The following KNDC1 variants were observed in gnomAD, a reference collection of about 807,000 sequenced individuals.
KNDC1 encodes the protein kinase non-catalytic C-lobe domain-containing protein 1.
KNDC1 carries 106 observed loss-of-function variants against 172.8 expected under a neutral mutation model. That is an observed-to-expected ratio of 0.61 (90% CI 0.52 to 0.72). The LOEUF is 0.72. Ranked by LOEUF, KNDC1 falls within the 30% of genes least tolerant of loss-of-function variation. KNDC1 has a pLI of 0.00. For synonymous variants in KNDC1, 1,083 were observed against 1,062.2 expected (o/e 1.02, Z -0.38); for missense variants, 2,325 against 2,394.5 (o/e 0.97, Z 0.61).
intron 14 of KNDC1, 68 bp downstream of exon 14, chr10:133,199,334 C>A: frequency 6.5e-7 from 1 of 1,549,894 alleles, no homozygotes; most frequent in Non-Finnish European, 8.7e-7. Context: ...GGACTCGGGG[C>A]CGCCCCACGC....
At chr10:133,203,377 AC>A (rs1191668601) in intron 17 of KNDC1, among the ~76,000 whole-genome samples, 1 of 152,254 alleles carries the variant, frequency 6.6e-6, no homozygotes, top group African/African-American at 2.4e-5. Flanking sequence ...GCCCATGGCC[AC>A]AGCCTCACGT....
chr10:133,175,982 G>T (rs1328289586), intron 3 of KNDC1, among the ~76,000 whole-genome samples: 1 of 144,838 alleles, frequency 6.9e-6, no homozygotes, highest in East Asian at 2.2e-4. Flanking sequence ...GGATGGGTGG[G>T]TGAATGCATG....
intron 26 of KNDC1, among the ~76,000 whole-genome samples, chr10:133,217,976 C>CGAGGTCAGGAG: frequency 6.6e-6 from 1 of 151,098 alleles, no homozygotes; most frequent in African/African-American, 2.5e-5. Flanking sequence ...AGGAGAATCA[C>CGAGGTCAGGAG]TTGAACCCGG....
At chr10:133,181,552 G>A (rs575010288) in intron 3 of KNDC1, among the ~76,000 whole-genome samples, 46 of 152,348 alleles carry the variant, frequency 3.0e-4, no homozygotes, top group African/African-American at 1.1e-3. Flanking sequence ...TGGCTGGTGT[G>A]CCAGGTGGGC....
intron 26 of KNDC1, among the ~76,000 whole-genome samples, chr10:133,216,277 T>A (rs898035481): frequency 6.6e-6 from 1 of 150,884 alleles, no homozygotes; most frequent in African/African-American, 2.4e-5. Context: ...AAATGGGGGG[T>A]CGGTGGTTCC....
In KNDC1 at chr10:133,211,666, T is replaced by C; in HGVS notation, c.4057-13T>C. The stretch of plus-strand genomic sequence containing the variant: ...GGTGGCAGTGACCCCCCCACCACTG[T>C]GCTTCTGCCTAGATCCTACCCCTGG... On this transcript the variant is annotated splice_polypyrimidine_tract_variant and intron_variant, in intron 22 of 29. Coordinates refer to ENST00000304613, the MANE Select transcript of KNDC1 (RefSeq NM_152643.8). The C allele has an allele frequency of 6.3e-7, 1 of 1,590,390 alleles. No homozygotes were observed. Among genetic ancestry groups the C allele is most frequent in the Non-Finnish European group, 8.6e-7 (1 of 1,166,056 alleles).
rs144430898 is a variant in KNDC1 at position 133,185,825 on chromosome 10, G to C, written c.626-149G>C. On this transcript the variant is annotated intron_variant, in intron 5 of 29. Coordinates refer to ENST00000304613, the MANE Select transcript of KNDC1 (RefSeq NM_152643.8). ...AGAGCCTGGGTTGGGGTCTGTGATC[G>C]TGGGAGGGGAGGAGAGGGGAGGGGA... is the stretch of plus-strand genomic sequence containing the variant. The C allele has an allele frequency of 1.5e-3, 757 of 502,384 alleles. 10 individuals are homozygous for C. The highest frequency in any genetic ancestry group is 0.014 in the African/African-American group (578 of 40,478). 31.1% of individuals were successfully genotyped at this position (502,384 alleles called of 1,614,324 possible).
At chr10:133,222,240 G>T (rs919543574) in intron 29 of KNDC1, among the ~76,000 whole-genome samples, 2 of 145,920 alleles carry the variant, frequency 1.4e-5, no homozygotes, top group Non-Finnish European at 3.0e-5. Flanking sequence ...CCGAGATCGC[G>T]CCACCGCACT....
At chr10:133,219,217 G>A (rs1214649289) in intron 28 of KNDC1, 127 bp downstream of exon 28, 14 of 1,192,616 alleles carry the variant, frequency 1.2e-5, no homozygotes, top group Non-Finnish European at 1.5e-5. Flanking sequence ...CCCAGCCAGG[G>A]TGGCCTCACG....
intron 6 of KNDC1, among the ~76,000 whole-genome samples, chr10:133,187,385 C>T (rs765698240): frequency 6.6e-6 from 1 of 152,252 alleles, no homozygotes; most frequent in East Asian, 1.9e-4. Context: ...GCATTTTGCC[C>T]TCCTTGGCTC....
Position 133,163,486 on chromosome 10 carries a change from G to A in KNDC1, c.102+2917G>A, listed in dbSNP as rs531728738. ...ATGAGCTCAGAGCAGAAGGCACCTC[G>A]GGAGCAGAGGTGGTTTTGTGGTGGG... On this transcript the variant is annotated intron_variant, in intron 1 of 29. Transcript: ENST00000304613. This position sits in a 1 kb window ranked among gnomAD's most constrained non-coding sequence, Gnocchi z 4.4. Among the ~76,000 whole-genome samples, 4 of 152,274 alleles carry A rather than the reference G, an allele frequency of 2.6e-5. No homozygotes were observed. In the South Asian group the frequency reaches 8.3e-4, roughly 32 times the overall value.
chr10:133,197,590 G>C, intron 11 of KNDC1, 85 bp from the exon 12 acceptor site: 3 of 1,002,192 alleles, frequency 3.0e-6, no homozygotes, highest in Admixed American at 3.5e-5. Flanking sequence ...CGGCACCGGC[G>C]GGTGGTGGGG....
intron 20 of KNDC1, among the ~76,000 whole-genome samples, chr10:133,210,173 G>C (rs1315357566): frequency 1.3e-5 from 2 of 151,976 alleles, no homozygotes; most frequent in African/African-American, 4.8e-5. Flanking sequence ...ATCACCTGAG[G>C]TCAGGAGTTC....
intron 20 of KNDC1, among the ~76,000 whole-genome samples, chr10:133,210,246 A>G (rs1011810434): frequency 6.6e-6 from 1 of 151,258 alleles, no homozygotes; most frequent in African/African-American, 2.4e-5. Flanking sequence ...TCAGCCGGGC[A>G]TGGTAGGCGC....
chr10:133,177,577 GGT>G (rs575473802), intron 3 of KNDC1, among the ~76,000 whole-genome samples: 4 of 145,976 alleles, frequency 2.7e-5, no homozygotes, highest in South Asian at 2.1e-4. Flanking sequence ...ACATGCATGT[GGT>G]GTGTGTATCG....
intron 17 of KNDC1, chr10:133,202,360 G>A (rs896230269): frequency 1.8e-5 from 8 of 453,416 alleles, no homozygotes; most frequent in African/African-American, 1.6e-4. Context: ...TTTCTGGCCA[G>A]CAGTGCCATC....
chr10:133,201,962 G>A (rs1405109967), intron 17 of KNDC1, 64 bp downstream of exon 17: 2 of 1,486,358 alleles, frequency 1.3e-6, no homozygotes, highest in Non-Finnish European at 1.8e-6. Flanking sequence ...GAGCTTCCTG[G>A]TCACTGCAGG....
chr10:133,165,834 A>T (rs575436907), intron 1 of KNDC1, among the ~76,000 whole-genome samples: 1 of 152,294 alleles, frequency 6.6e-6, no homozygotes, highest in African/African-American at 2.4e-5. Context: ...AGCCCAAATC[A>T]AACACCTTTG....
rs370595982 is a variant in KNDC1 at position 133,198,862 on chromosome 10, C to T, written c.2354C>T (p.Pro785Leu). The change falls in exon 14 of 30, where the codon CCG becomes CTG. Residue 785 changes from proline (P) to leucine (L), a missense_variant. Transcript: ENST00000304613. ...SAAPGSPVPAPPTKASALPVE... is the reference protein window; with the variant it reads ...SAAPGSPVPALPTKASALPVE... ...GCTCCCGGCTCTCCAGTCCCCGCCC[C>T]GCCCACGAAGGCATCTGCGCTGCCC... 9 of 1,599,050 alleles carry T rather than the reference C, an allele frequency of 5.6e-6. No homozygotes were observed. The highest frequency in any genetic ancestry group is 1.1e-5 in the South Asian group (1 of 89,832).
Sources: allele counts gnomAD v4.1 joint callset (sites outside exome capture counted in the v4.1 genomes callset), GRCh38; gene constraint gnomAD v4.1.1; non-coding constraint Gnocchi (gnomAD v3.1); transcripts MANE v1.5; gene names NCBI Gene and HGNC (gene_info 2026-07-23, HGNC 2026-07-21).